Variants in CNBD1 observed in about 807,000 individuals in gnomAD.
The protein encoded by CNBD1 is cyclic nucleotide-binding domain-containing protein 1.
CNBD1 carries 71 observed loss-of-function variants against 54.4 expected under a neutral mutation model. The ratio of observed to expected loss-of-function variants is 1.30; its 90% CI spans 1.08 to 1.59. CNBD1 has a LOEUF of 1.59. Among genes scored for constraint, CNBD1 ranks in the 40% most tolerant of loss-of-function variants. The pLI is 0.00. For synonymous variants in CNBD1, 182 were observed against 170.7 expected (o/e 1.07, Z -0.51); for missense variants, 659 against 518.0 (o/e 1.27, Z -2.64).
intron 8 of CNBD1, among the ~76,000 whole-genome samples, chr8:87,341,904 C>G (rs1810071723): frequency 6.6e-6 from 1 of 152,106 alleles, no homozygotes; most frequent in Admixed American, 6.5e-5. Flanking sequence ...ACGAAACAGA[C>G]TAAGAATCTA....
intron 4 of CNBD1, among the ~76,000 whole-genome samples, chr8:87,001,903 T>C (rs1158836611): frequency 2.0e-5 from 3 of 152,174 alleles, no homozygotes; most frequent in African/African-American, 7.2e-5. Context: ...CTTTAGGAAG[T>C]CACCTTTGTC....
chr8:87,158,635 A>T (rs1430547206), intron 4 of CNBD1, among the ~76,000 whole-genome samples: 2 of 152,114 alleles, frequency 1.3e-5, no homozygotes, highest in African/African-American at 4.8e-5. Flanking sequence ...TACCCCTCTG[A>T]GCCTGGGGGA....
intron 3 of CNBD1, among the ~76,000 whole-genome samples, chr8:86,917,524 C>T (rs1183048446): frequency 6.6e-6 from 1 of 152,226 alleles, no homozygotes; most frequent in African/African-American, 2.4e-5. Flanking sequence ...TAGAATTTCC[C>T]ATGAACACTG....
At chr8:87,053,967 G>A (rs533335255) in intron 4 of CNBD1, among the ~76,000 whole-genome samples, 4 of 152,330 alleles carry the variant, frequency 2.6e-5, no homozygotes, top group Admixed American at 1.3e-4. Context: ...AAAGAATGTA[G>A]GAATTGAATG....
chr8:87,082,635 A>G (rs1374530222), intron 4 of CNBD1, among the ~76,000 whole-genome samples: 1 of 151,668 alleles, frequency 6.6e-6, no homozygotes, highest in East Asian at 1.9e-4. Flanking sequence ...TTTCTTATAC[A>G]CTGCATACAA....
intron 8 of CNBD1, among the ~76,000 whole-genome samples, chr8:87,347,049 C>G (rs1344881939): frequency 1.3e-5 from 2 of 152,106 alleles, no homozygotes; most frequent in African/African-American, 4.8e-5. Context: ...GAGTATTGCT[C>G]TTTGGGGGCT....
intron 5 of CNBD1, among the ~76,000 whole-genome samples, chr8:87,224,331 G>A (rs1313919244): frequency 1.3e-5 from 2 of 150,612 alleles, no homozygotes; most frequent in African/African-American, 4.9e-5. Context: ...CCTATGTCCT[G>A]AATGGTAATG....
At chr8:87,115,208 AC>A (rs990107012) in intron 4 of CNBD1, among the ~76,000 whole-genome samples, 127 of 152,326 alleles carry the variant, frequency 8.3e-4, no homozygotes, top group African/African-American at 2.8e-3. Context: ...CAGGCAAATA[AC>A]CTTTTTTCAC....
At chr8:87,394,981 G>T (rs575538323) in intron 2 of CNBD1, among the ~76,000 whole-genome samples, 1 of 151,932 alleles carries the variant, frequency 6.6e-6, no homozygotes, top group African/African-American at 2.4e-5. Flanking sequence ...AAAGTAAAAC[G>T]ATAGTGTTTT....
At chr8:87,132,126 C>A (rs1812129535) in intron 4 of CNBD1, among the ~76,000 whole-genome samples, 1 of 151,426 alleles carries the variant, frequency 6.6e-6, no homozygotes, top group South Asian at 2.1e-4. Flanking sequence ...GATTTTTATG[C>A]CATTTTTTCA....
At chr8:87,013,847 T>G (rs1171708408) in intron 4 of CNBD1, among the ~76,000 whole-genome samples, 1 of 152,018 alleles carries the variant, frequency 6.6e-6, no homozygotes, top group Non-Finnish European at 1.5e-5. Flanking sequence ...TCCTTATACC[T>G]TATCATGTAA....
At chr8:87,416,496 T>C (rs1234859549) in intron 2 of CNBD1, among the ~76,000 whole-genome samples, 1 of 151,886 alleles carries the variant, frequency 6.6e-6, no homozygotes, top group Admixed American at 6.6e-5. Context: ...AAACAACGGC[T>C]CCAATCATGG....
At chr8:86,926,743 C>T (rs1480888309) in intron 3 of CNBD1, among the ~76,000 whole-genome samples, 2 of 152,186 alleles carry the variant, frequency 1.3e-5, no homozygotes, top group Non-Finnish European at 2.9e-5. Context: ...TCACCGCTGC[C>T]AAAGACTCCA....
intron 4 of CNBD1, among the ~76,000 whole-genome samples, chr8:87,049,996 C>A (rs1810279270): frequency 6.6e-6 from 1 of 152,148 alleles, no homozygotes; most frequent in Non-Finnish European, 1.5e-5. Flanking sequence ...CCTTCTGAGA[C>A]ATAAGGATTG....
At chr8:87,386,928 C>G (rs545568298), downstream of CNBD1, among the ~76,000 whole-genome samples, 3 of 152,302 alleles carry the variant, frequency 2.0e-5, no homozygotes, top group East Asian at 5.8e-4. Flanking sequence ...ACTCTGCAAG[C>G]CAGAAGAGAG....
chr8:86,941,340 C>T (rs1472501430), intron 4 of CNBD1, among the ~76,000 whole-genome samples: 9 of 152,140 alleles, frequency 5.9e-5, no homozygotes, highest in Admixed American at 5.2e-4. Context: ...GGTAGAAAAT[C>T]GCTAAAACAC....
chr8:87,323,721 C>A (rs1809596058), intron 8 of CNBD1, among the ~76,000 whole-genome samples: 1 of 132,160 alleles, frequency 7.6e-6, no homozygotes, highest in African/African-American at 2.8e-5. Flanking sequence ...ATGGGGTTTT[C>A]TAGATAAACA....
intron 4 of CNBD1, among the ~76,000 whole-genome samples, chr8:87,042,799 G>A (rs115546185): frequency 0.03 from 4,497 of 151,696 alleles, 234 homozygotes; most frequent in African/African-American, 0.1. Context: ...TGTAAAATAT[G>A]GTAGATTGTA....
Position 87,303,275 on chromosome 8 carries a change from G to T in CNBD1, c.1042+16604G>T, listed in dbSNP as rs578059585. Among the ~76,000 whole-genome samples, 1,451 of 151,878 alleles carry T rather than the reference G, an allele frequency of 9.6e-3. 19 individuals carry two copies. The highest frequency in any genetic ancestry group is 0.032 in the African/African-American group (1,333 of 41,392). ...CAGTAACCAAAACAGCATGGTACTG[G>T]TACCAAAACAGAGATATAGACCAAT... On this transcript the variant is annotated intron_variant, in intron 8 of 10. Coordinates refer to ENST00000518476, the MANE Select transcript of CNBD1 (RefSeq NM_173538.3).
Sources: allele counts gnomAD v4.1 joint callset (sites outside exome capture counted in the v4.1 genomes callset), GRCh38; gene constraint gnomAD v4.1.1; transcripts MANE v1.5; gene names NCBI Gene and HGNC (gene_info 2026-07-23, HGNC 2026-07-21).